TNFAIP8: variants seen among roughly 807,000 people sequenced by gnomAD.
TNFAIP8 encodes the protein TNF alpha induced protein 8, also known as tumor necrosis factor alpha-induced protein 8.
A neutral mutation model predicts 13.3 loss-of-function variants in TNFAIP8; 7 were observed. That is an observed-to-expected ratio of 0.52 (90% CI 0.30 to 0.99). TNFAIP8 has a LOEUF of 0.99. TNFAIP8 is among the 50% of genes least tolerant of loss of function. The pLI is 0.07. For synonymous variants in TNFAIP8, 94 were observed against 87.6 expected (o/e 1.07, Z -0.41); for missense variants, 258 against 236.9 (o/e 1.09, Z -0.58).
intron 1 of TNFAIP8, among the ~76,000 whole-genome samples, chr5:119,328,147 A>G (rs947374552): frequency 1.3e-5 from 2 of 152,198 alleles, no homozygotes; most frequent in Non-Finnish European, 1.5e-5. Flanking sequence ...TAAAATGACA[A>G]TATACTTACA....
intron 1 of TNFAIP8, among the ~76,000 whole-genome samples, chr5:119,373,810 G>A (rs1752177338): frequency 6.6e-6 from 1 of 152,162 alleles, no homozygotes; most frequent in Non-Finnish European, 1.5e-5. Context: ...TGTCCTTGGA[G>A]TCCTTGACAT....
intron 1 of TNFAIP8, among the ~76,000 whole-genome samples, chr5:119,283,401 G>A (rs1748691567): frequency 6.6e-6 from 1 of 152,200 alleles, no homozygotes; most frequent in Non-Finnish European, 1.5e-5. Flanking sequence ...TGGAGGCTGA[G>A]GTGGAAGGAT....
chr5:119,389,522 A>G (rs1266652930), intron 1 of TNFAIP8, among the ~76,000 whole-genome samples: 1 of 152,246 alleles, frequency 6.6e-6, no homozygotes, highest in African/African-American at 2.4e-5. Context: ...GAGCCTGCAC[A>G]GGAATGGCTA....
intron 1 of TNFAIP8, among the ~76,000 whole-genome samples, chr5:119,276,778 A>C (rs1252825020): frequency 6.6e-6 from 1 of 152,182 alleles, no homozygotes; most frequent in Non-Finnish European, 1.5e-5. Context: ...CTGTCTCCAA[A>C]CACAGCCATA....
At chr5:119,367,630 C>T (rs1477688889) in intron 1 of TNFAIP8, among the ~76,000 whole-genome samples, 1 of 152,116 alleles carries the variant, frequency 6.6e-6, no homozygotes, top group Non-Finnish European at 1.5e-5. Context: ...CCATGAATGA[C>T]TCAATTGACT....
chr5:119,340,791 G>T (rs1371101576), intron 1 of TNFAIP8, among the ~76,000 whole-genome samples: 1 of 152,174 alleles, frequency 6.6e-6, no homozygotes, highest in East Asian at 1.9e-4. Flanking sequence ...GGCTGGACTG[G>T]CTGAGTGGCG....
intron 1 of TNFAIP8, among the ~76,000 whole-genome samples, chr5:119,370,829 A>G (rs1752044780): frequency 6.6e-6 from 1 of 152,238 alleles, no homozygotes; most frequent in South Asian, 2.1e-4. Flanking sequence ...TTGATACTTT[A>G]TTAGATGCCA....
At chr5:119,385,390 T>C (rs1752630875) in intron 1 of TNFAIP8, among the ~76,000 whole-genome samples, 1 of 152,208 alleles carries the variant, frequency 6.6e-6, no homozygotes, top group Admixed American at 6.5e-5. Context: ...CTGTGGCTTT[T>C]AACTGTGGCT....
intron 1 of TNFAIP8, among the ~76,000 whole-genome samples, chr5:119,269,395 T>A (rs1475516747): frequency 1.3e-5 from 2 of 152,184 alleles, no homozygotes; most frequent in African/African-American, 4.8e-5. Context: ...AGAGCCCTGC[T>A]TTGAGATCAT....
Position 119,399,263 on chromosome 5 carries a change from G to A in TNFAIP8, c.*5882G>A, listed in dbSNP as rs988033390. On this transcript the variant is annotated 3_prime_UTR_variant, in exon 2 of 2. Transcript: ENST00000504771. The stretch of plus-strand genomic sequence containing the variant: ...AGATGGAACCCAGCAGGGTACAGAG[G>A]GCATTTGTGGGAGCAGTTAGGAAAC... 1 of 152,198 alleles carries A rather than the reference G, an allele frequency of 6.6e-6. No homozygotes were observed. The highest frequency in any genetic ancestry group is 1.5e-5 in the Non-Finnish European group (1 of 68,036). 9.4% of individuals were successfully genotyped at this position (152,198 alleles called of 1,614,324 possible). A position where few individuals can be genotyped will look rare whatever the true frequency, so the allele number is the denominator to read the frequency against.
intron 1 of TNFAIP8, among the ~76,000 whole-genome samples, chr5:119,350,952 TTG>T (rs35633858): frequency 0.37 from 54,008 of 144,530 alleles, 10,316 homozygotes; most frequent in South Asian, 0.51. Flanking sequence ...CTATGTGTAT[TTG>T]TGTGTGTGTG....
intron 1 of TNFAIP8, among the ~76,000 whole-genome samples, chr5:119,365,130 G>A (rs1346973675): frequency 6.6e-6 from 1 of 152,086 alleles, no homozygotes; most frequent in African/African-American, 2.4e-5. Context: ...GGGATTACAG[G>A]TGTGAGCCAC....
chr5:119,361,123 A>G (rs546570161), intron 1 of TNFAIP8, among the ~76,000 whole-genome samples: 4 of 152,324 alleles, frequency 2.6e-5, no homozygotes, highest in African/African-American at 7.2e-5. Flanking sequence ...CTATTGCAAA[A>G]GCAGACATCC....
At chr5:119,370,078 G>C (rs1170013430) in intron 1 of TNFAIP8, among the ~76,000 whole-genome samples, 2 of 152,050 alleles carry the variant, frequency 1.3e-5, no homozygotes, top group Non-Finnish European at 2.9e-5. Flanking sequence ...CCTTGTGTTT[G>C]AAATGCCTGC....
chr5:119,310,855 TTTCTC>T (rs1749708260), intron 1 of TNFAIP8, among the ~76,000 whole-genome samples: 1 of 152,060 alleles, frequency 6.6e-6, no homozygotes, highest in Non-Finnish European at 1.5e-5. Flanking sequence ...AATCAATACA[TTTCTC>T]TGAGAGCAGG....
intron 1 of TNFAIP8, among the ~76,000 whole-genome samples, chr5:119,375,763 G>A (rs1442287610): frequency 6.6e-6 from 1 of 152,164 alleles, no homozygotes. Flanking sequence ...GATTTCAATA[G>A]AGGCAAAATG....
At chr5:119,351,778 TTTTC>T (rs1294059728), upstream of TNFAIP8, among the ~76,000 whole-genome samples, 2 of 141,484 alleles carry the variant, frequency 1.4e-5, no homozygotes, top group East Asian at 3.9e-4. Flanking sequence ...CTTTTCTTTC[TTTTC>T]TTTTTCTTTT....
intron 1 of TNFAIP8, among the ~76,000 whole-genome samples, chr5:119,359,049 C>A (rs879228447): frequency 6.6e-6 from 1 of 152,180 alleles, no homozygotes; most frequent in Admixed American, 6.5e-5. Context: ...AGATAACTCC[C>A]TCAACGTCCT....
chr5:119,302,128 A>G (rs74873873), intron 1 of TNFAIP8, among the ~76,000 whole-genome samples: 4,820 of 152,292 alleles, frequency 0.032, 267 homozygotes, highest in African/African-American at 0.11. Context: ...TCATAGGACC[A>G]TTATTTAGTT....
Sources: allele counts gnomAD v4.1 joint callset (sites outside exome capture counted in the v4.1 genomes callset), GRCh38; gene constraint gnomAD v4.1.1; transcripts MANE v1.5; gene names NCBI Gene and HGNC (gene_info 2026-07-23, HGNC 2026-07-21).